The following WASHC2C variants were observed in gnomAD, a reference collection of about 807,000 sequenced individuals.
The protein encoded by WASHC2C is Vaccinia Penetration Factor.
In WASHC2C, 73 loss-of-function variants were observed where a neutral mutation model predicts 142.2. The observed-to-expected ratio is 0.51, with a 90% CI of 0.43 to 0.62. The LOEUF is 0.62. Ranked by LOEUF, WASHC2C falls within the 20% of genes least tolerant of loss-of-function variation. The probability of loss-of-function intolerance (pLI) is 0.00; values close to 1 mark genes in which losing one functional copy is unlikely to be tolerated. For missense variants in WASHC2C, 969 were observed against 1,531.7 expected (o/e 0.63, Z 6.13); for synonymous variants, 337 against 565.5 (o/e 0.60, Z 5.73).
At chr10:45,770,171 G>T (rs571804908) in intron 20 of WASHC2C, among the ~76,000 whole-genome samples, 132 of 151,236 alleles carry the variant, frequency 8.7e-4, no homozygotes, top group African/African-American at 2.9e-3. Flanking sequence ...AACTCGGGAG[G>T]TGGAGGTTGC....
intron 13 of WASHC2C, among the ~76,000 whole-genome samples, chr10:45,753,676 T>C (rs2053876622): frequency 7.1e-6 from 1 of 139,952 alleles, no homozygotes; most frequent in East Asian, 2.1e-4. Flanking sequence ...AGACAGGGTT[T>C]CACCATGTTG....
At chr10:45,790,878 G>C in intron 30 of WASHC2C, among the ~76,000 whole-genome samples, 1 of 152,204 alleles carries the variant, frequency 6.6e-6, no homozygotes, top group Admixed American at 6.5e-5. Flanking sequence ...AGTAGGCTGA[G>C]GGGACTGCCT....
intron 7 of WASHC2C, among the ~76,000 whole-genome samples, chr10:45,745,464 G>A (rs2052702712): frequency 6.6e-6 from 1 of 151,742 alleles, no homozygotes; most frequent in South Asian, 2.1e-4. Context: ...ACACAGCCAT[G>A]TTGCAGGAGA....
At chr10:45,742,870 C>CT (rs1446012396) in intron 5 of WASHC2C, among the ~76,000 whole-genome samples, 8 of 147,612 alleles carry the variant, frequency 5.4e-5, no homozygotes, top group South Asian at 2.1e-4. Flanking sequence ...ACTTTGGCAT[C>CT]TTTTTTCTTT....
chr10:45,754,258 A>G (rs1249283933), intron 13 of WASHC2C, among the ~76,000 whole-genome samples: 1 of 152,192 alleles, frequency 6.6e-6, no homozygotes, highest in Non-Finnish European at 1.5e-5. Flanking sequence ...GACGGTCAGC[A>G]TGCTCTTCCA....
intron 16 of WASHC2C, among the ~76,000 whole-genome samples, chr10:45,758,180 G>T (rs1443338917): frequency 3.3e-5 from 5 of 152,122 alleles, no homozygotes; most frequent in African/African-American, 1.2e-4. Flanking sequence ...ATACAAGCAG[G>T]CAGGGTTGTG....
intron 17 of WASHC2C, among the ~76,000 whole-genome samples, chr10:45,760,903 A>C (rs1490388661): frequency 1.3e-5 from 2 of 151,070 alleles, no homozygotes; most frequent in Admixed American, 6.6e-5. Context: ...TGTATCCCTA[A>C]CACCCCGTCC....
chr10:45,738,824 C>G (rs2051612200), intron 4 of WASHC2C, among the ~76,000 whole-genome samples: 1 of 152,210 alleles, frequency 6.6e-6, no homozygotes, highest in Non-Finnish European at 1.5e-5. Flanking sequence ...CCTGGCTCAG[C>G]TTCCCGAGTA....
At chr10:45,748,764 T>G (rs1554872460) in intron 8 of WASHC2C, among the ~76,000 whole-genome samples, 6 of 152,058 alleles carry the variant, frequency 3.9e-5, no homozygotes. Flanking sequence ...AAAAAAAATT[T>G]TTTTAATTAT....
chr10:45,730,766 C>T (rs1435251907), intron 3 of WASHC2C, among the ~76,000 whole-genome samples: 3 of 151,876 alleles, frequency 2.0e-5, no homozygotes, highest in Non-Finnish European at 4.4e-5. Flanking sequence ...ACTACAGGCG[C>T]GTGCCACCAC....
chr10:45,729,547 C>CT (rs2050291662), intron 3 of WASHC2C, among the ~76,000 whole-genome samples: 1 of 151,998 alleles, frequency 6.6e-6, no homozygotes, highest in African/African-American at 2.4e-5. Flanking sequence ...TGATTTCTGT[C>CT]TATTTACTGT....
Position 45,785,597 on chromosome 10 carries a change from A to C in WASHC2C, c.2777A>C (p.Lys926Thr). The change falls in exon 26 of 31, where the codon AAA (lysine) becomes ACA (threonine). Residue 926 changes from lysine (K) to threonine (T), a missense_variant. Coordinates refer to ENST00000623400, the MANE Select transcript of WASHC2C (RefSeq NM_001330074.2). ...CATCCTGAATCCATTCAAGGTAGTA[A>C]AGAAAAAGGCATATGGAAGCCGGAA... ...QKHPESIQGSKEKGIWKPETP... is the reference protein window; with the variant it reads ...QKHPESIQGSTEKGIWKPETP... 6.2e-7 allele frequency: 1 copy of C among 1,613,954 alleles called. No homozygotes were observed. Among genetic ancestry groups the C allele is most frequent in the African/African-American group, 1.3e-5 (1 of 75,038 alleles).
chr10:45,741,862 C>T (rs1472254961), intron 5 of WASHC2C, among the ~76,000 whole-genome samples: 1 of 150,254 alleles, frequency 6.7e-6, no homozygotes, highest in Admixed American at 6.7e-5. Flanking sequence ...GGCGCAATCT[C>T]GGCTCACTGC....
At chr10:45,761,332 G>T (rs1454191204) in intron 17 of WASHC2C, among the ~76,000 whole-genome samples, 3 of 152,174 alleles carry the variant, frequency 2.0e-5, no homozygotes, top group Non-Finnish European at 2.9e-5. Flanking sequence ...GTCGCCTTCT[G>T]TGTTCCAGCC....
intron 27 of WASHC2C, 169 bp from the exon 28 acceptor site, chr10:45,786,866 G>A: frequency 2.6e-6 from 4 of 1,564,834 alleles, no homozygotes; most frequent in African/African-American, 1.4e-5. Context: ...GTGGGCATAG[G>A]TGTAAGACGC....
rs199640318 is a variant in WASHC2C at position 45,739,607 on chromosome 10, GT to G, written c.355-452del. On this transcript the variant is annotated intron_variant, in intron 4 of 30. Transcript: ENST00000623400. ...TTTATAAAATAATTGTAATTGTCCAGTTTTTTTTTTTTTTGTCTCTTTAAAC... is the reference window on the plus strand; with the variant it reads ...TTTATAAAATAATTGTAATTGTCCAGTTTTTTTTTTTTTGTCTCTTTAAAC... Among the ~76,000 whole-genome samples the G allele has an allele frequency of 4.6e-3, 661 of 142,810 alleles. 2 individuals carry two copies. Among genetic ancestry groups the G allele is most frequent in the African/African-American group, 7.1e-3 (277 of 39,108 alleles). The allele number at this position is 142,810 out of a possible 152,430, so 93.7% of individuals were successfully genotyped here. A position where few individuals can be genotyped will look rare whatever the true frequency, so the allele number is the denominator to read the frequency against.
At chr10:45,763,795 G>A (rs1428649175) in intron 18 of WASHC2C, among the ~76,000 whole-genome samples, 8 of 151,460 alleles carry the variant, frequency 5.3e-5, no homozygotes, top group Non-Finnish European at 1.0e-4. Flanking sequence ...CACTGTAACC[G>A]GGTTCAGGTG....
intron 19 of WASHC2C, among the ~76,000 whole-genome samples, chr10:45,768,858 A>C (rs1351766131): frequency 4.0e-5 from 6 of 151,414 alleles, no homozygotes; most frequent in African/African-American, 1.5e-4. Context: ...GATTCCCTGA[A>C]ATAGACAAGT....
At chr10:45,754,435 A>G (rs2053994153) in intron 13 of WASHC2C, 51 bp from the exon 14 acceptor site, 1 of 1,601,572 alleles carries the variant, frequency 6.2e-7, no homozygotes, top group African/African-American at 1.3e-5. Flanking sequence ...GAAAATAGCA[A>G]GGAAAGTTAT....
Sources: allele counts gnomAD v4.1 joint callset (sites outside exome capture counted in the v4.1 genomes callset), GRCh38; gene constraint gnomAD v4.1.1; transcripts MANE v1.5; gene names NCBI Gene and HGNC (gene_info 2026-07-23, HGNC 2026-07-21).